The following ABLIM1 variants were observed in gnomAD, a reference collection of about 807,000 sequenced individuals.
The protein encoded by ABLIM1 is actin-binding LIM protein 1.
Under a neutral mutation model 107.0 loss-of-function variants are expected in ABLIM1, and 40 were observed. The ratio of observed to expected loss-of-function variants is 0.37; its 90% confidence interval spans 0.29 to 0.49. The LOEUF (loss-of-function observed/expected upper bound fraction) is 0.49. Ranked by LOEUF, ABLIM1 falls within the 20% of genes least tolerant of loss-of-function variation. The probability of loss-of-function intolerance (pLI) is 0.97; values close to 1 mark genes in which losing one functional copy is unlikely to be tolerated. For missense variants in ABLIM1, 857 were observed against 1,008.5 expected (o/e 0.85, Z 2.04); for synonymous variants, 357 against 357.3 (o/e 1.00, Z 0.01).
intron 6 of ABLIM1, among the ~76,000 whole-genome samples, chr10:114,525,448 C>T (rs1055015836): frequency 6.6e-6 from 1 of 152,196 alleles, no homozygotes; most frequent in African/African-American, 2.4e-5. Flanking sequence ...TAGGCAACCG[C>T]CTCGAAAACA....
At chr10:114,680,911 G>T (rs1040815021) in intron 1 of ABLIM1, among the ~76,000 whole-genome samples, 3 of 152,196 alleles carry the variant, frequency 2.0e-5, no homozygotes, top group African/African-American at 7.2e-5. Flanking sequence ...ATTAATTACA[G>T]CAGAATGTTA....
At chr10:114,718,029 A>AGGAG (rs1555227666) in intron 1 of ABLIM1, among the ~76,000 whole-genome samples, 27 of 113,204 alleles carry the variant, frequency 2.4e-4, no homozygotes, top group African/African-American at 8.4e-4. Flanking sequence ...GAAGGAAGGA[A>AGGAG]GGAGAAAGAG....
chr10:114,798,557 C>CCCT, the ABLIM1 span, among the ~76,000 whole-genome samples: 956 of 30,022 alleles, frequency 0.032, 27 homozygotes, highest in Non-Finnish European at 0.052. Flanking sequence ...GATGATGAGA[C>CCCT]CCCCCCCCCA....
At chr10:114,500,347 A>G (rs1023930460) in intron 6 of ABLIM1, among the ~76,000 whole-genome samples, 5 of 152,166 alleles carry the variant, frequency 3.3e-5, no homozygotes, top group African/African-American at 1.2e-4. Context: ...TTCTAGACTG[A>G]AAATTGGACT....
chr10:114,555,835 G>C (rs1324502854), intron 4 of ABLIM1, among the ~76,000 whole-genome samples: 2 of 151,864 alleles, frequency 1.3e-5, no homozygotes, highest in Non-Finnish European at 2.9e-5. Context: ...TCCTTGGAAT[G>C]CTTTTTTACA....
chr10:114,738,016 T>A (rs948725514), intron 1 of ABLIM1, among the ~76,000 whole-genome samples: 11 of 152,148 alleles, frequency 7.2e-5, no homozygotes, highest in Non-Finnish European at 1.2e-4. Flanking sequence ...GGTTGAAATT[T>A]AAAGGGTGAA....
At chr10:114,468,378 G>A (rs892150788) in intron 10 of ABLIM1, 162 bp from the exon 11 acceptor site, 7 of 609,052 alleles carry the variant, frequency 1.1e-5, no homozygotes, top group African/African-American at 5.6e-5. Flanking sequence ...AGGTTCAAGC[G>A]ATTCTCCTGC....
At chr10:114,679,491 C>T (rs547908592) in intron 1 of ABLIM1, among the ~76,000 whole-genome samples, 10 of 151,904 alleles carry the variant, frequency 6.6e-5, no homozygotes, top group African/African-American at 1.2e-4. Flanking sequence ...CAAAATTAGC[C>T]GGGCGTGGTG....
intron 1 of ABLIM1, among the ~76,000 whole-genome samples, chr10:114,704,260 A>ATCTCTCTC (rs1346726796): frequency 4.0e-5 from 2 of 50,058 alleles, no homozygotes; most frequent in Non-Finnish European, 9.2e-5. Context: ...CTGACACTCT[A>ATCTCTCTC]TCTCTCTCTC....
chr10:114,657,012 A>G (rs1401203691), intron 1 of ABLIM1, among the ~76,000 whole-genome samples: 1 of 152,244 alleles, frequency 6.6e-6, no homozygotes, highest in Non-Finnish European at 1.5e-5. Flanking sequence ...TATCAGTTGC[A>G]TACTAAAACT....
At position 114,566,094 on chromosome 10, in the gene ABLIM1, C is replaced by T. The variant is rs150590310; in HGVS notation, c.673+5203G>A. Among the ~76,000 whole-genome samples the T allele has an allele frequency of 2.9e-4, 44 of 152,196 alleles. 1 individual carries two copies. Among genetic ancestry groups the T allele is most frequent in the Middle Eastern group, 3.4e-3 (1 of 292 alleles). On this transcript the variant is annotated intron_variant, in intron 4 of 22. Coordinates refer to ENST00000533213, the MANE Select transcript of ABLIM1 (RefSeq NM_002313.7). ...AGAGGCGTGAGCCACCGCGCCCGGT[C>T]GAAATGATTTCAATTCAGTCAGACT... is the stretch of plus-strand genomic sequence containing the variant.
intron 1 of ABLIM1, among the ~76,000 whole-genome samples, chr10:114,722,790 A>G (rs2081877429): frequency 6.6e-6 from 1 of 152,256 alleles, no homozygotes; most frequent in Non-Finnish European, 1.5e-5. Context: ...GAGAGGAAGG[A>G]GGACCCAGTA....
chr10:114,508,369 C>G (rs981884994), intron 6 of ABLIM1, among the ~76,000 whole-genome samples: 1 of 152,240 alleles, frequency 6.6e-6, no homozygotes. Context: ...CTTTAAGATA[C>G]ATTCTAGCTC....
intron 6 of ABLIM1, among the ~76,000 whole-genome samples, chr10:114,499,193 A>G (rs1205215696): frequency 6.6e-6 from 1 of 152,244 alleles, no homozygotes; most frequent in Non-Finnish European, 1.5e-5. Context: ...ACAGAAAAAC[A>G]TCTTCCACAG....
At chr10:114,516,302 T>A (rs1177859564) in intron 6 of ABLIM1, among the ~76,000 whole-genome samples, 1 of 152,112 alleles carries the variant, frequency 6.6e-6, no homozygotes, top group East Asian at 1.9e-4. Flanking sequence ...GGCAGGCAGA[T>A]CACTTGAGGC....
At chr10:114,641,765 G>A (rs937052002) in intron 1 of ABLIM1, among the ~76,000 whole-genome samples, 1 of 152,212 alleles carries the variant, frequency 6.6e-6, no homozygotes, top group South Asian at 2.1e-4. Context: ...GTATGTTCAA[G>A]GCAGTGGAGA....
At chr10:114,679,290 C>G (rs1414144602) in intron 1 of ABLIM1, among the ~76,000 whole-genome samples, 2 of 152,026 alleles carry the variant, frequency 1.3e-5, no homozygotes, top group African/African-American at 4.8e-5. Context: ...CTTGCCAGAC[C>G]CCTGTTGTTT....
chr10:114,514,621 C>A (rs914798473), intron 6 of ABLIM1, among the ~76,000 whole-genome samples: 1 of 152,196 alleles, frequency 6.6e-6, no homozygotes. Context: ...TCAAGTGATC[C>A]TCCTGCCTTG....
chr10:114,619,229 C>G lies in ABLIM1; in HGVS notation c.245-17268G>C, dbSNP rs2077316156. ...TTTTTTTTTTTGAGACAGTGTCTTG[C>G]TCTGTCACCCAGGCTGGAGCGCAGT... On this transcript the variant is annotated intron_variant, in intron 1 of 22. Coordinates refer to ENST00000533213, the MANE Select transcript of ABLIM1 (RefSeq NM_002313.7). The surrounding 1 kb of genome is among the most constrained non-coding windows in gnomAD (Gnocchi z 4.1). Among the ~76,000 whole-genome samples the G allele has an allele frequency of 6.8e-6, 1 of 147,206 alleles. No individual in the cohort carries two copies. The highest frequency in any genetic ancestry group is 2.5e-5 in the African/African-American group (1 of 39,448).
Sources: allele counts gnomAD v4.1 joint callset (sites outside exome capture counted in the v4.1 genomes callset), GRCh38; gene constraint gnomAD v4.1.1; non-coding constraint Gnocchi (gnomAD v3.1); transcripts MANE v1.5; gene names NCBI Gene and HGNC (gene_info 2026-07-23, HGNC 2026-07-21).